The following PCDHA8 variants were observed in gnomAD, a reference collection of about 807,000 sequenced individuals.
PCDHA8 encodes the protein protocadherin alpha 8.
Under a neutral mutation model 61.8 loss-of-function variants are expected in PCDHA8, and 53 were observed. The ratio of observed to expected loss-of-function variants is 0.86; its 90% CI spans 0.69 to 1.08. PCDHA8 has a LOEUF of 1.08. PCDHA8 is among the 50% of genes least tolerant of loss of function. The pLI is 0.00. For missense variants in PCDHA8, 1,293 were observed against 1,245.0 expected (o/e 1.04, Z -0.58); for synonymous variants, 618 against 556.6 (o/e 1.11, Z -1.55).
At chr5:140,883,272 C>T in intron 1 of PCDHA8, 1 of 1,613,880 alleles carries the variant, frequency 6.2e-7, no homozygotes, top group Non-Finnish European at 8.5e-7. Context: ...GGTCATTGTA[C>T]CCTTTTGGTG....
intron 1 of PCDHA8, among the ~76,000 whole-genome samples, chr5:140,898,428 A>G (rs1554187988): frequency 2.6e-5 from 4 of 152,132 alleles, no homozygotes; most frequent in Non-Finnish European, 5.9e-5. Flanking sequence ...TTTTCCCAGC[A>G]CCATTTATTA....
At chr5:140,978,648 T>C (rs2096814311) in intron 1 of PCDHA8, among the ~76,000 whole-genome samples, 1 of 152,264 alleles carries the variant, frequency 6.6e-6, no homozygotes, top group African/African-American at 2.4e-5. Flanking sequence ...CAGACTGTTC[T>C]TCCCGTAGTG....
intron 1 of PCDHA8, chr5:140,882,401 G>A (rs899488409): frequency 4.0e-5 from 65 of 1,614,046 alleles, no homozygotes; most frequent in Non-Finnish European, 5.3e-5. Context: ...CGGCACCTTC[G>A]TGGGCCGCAT....
intron 1 of PCDHA8, among the ~76,000 whole-genome samples, chr5:140,846,921 G>T (rs1780756664): frequency 6.7e-6 from 1 of 149,554 alleles, no homozygotes. Context: ...TTTCCTATTT[G>T]AATTTTTGAA....
At chr5:141,000,944 T>C (rs2097977292) in intron 3 of PCDHA8, among the ~76,000 whole-genome samples, 1 of 152,196 alleles carries the variant, frequency 6.6e-6, no homozygotes, top group Non-Finnish European at 1.5e-5. Flanking sequence ...GGACAAATTA[T>C]CTTGCTGTAA....
chr5:140,870,428 T>C, intron 1 of PCDHA8: 3 of 1,614,126 alleles, frequency 1.9e-6, no homozygotes, highest in Non-Finnish European at 2.5e-6. Flanking sequence ...AGGGTATCCG[T>C]GGAGGTGGCC....
At chr5:140,877,374 A>T in intron 1 of PCDHA8, 1 of 1,613,970 alleles carries the variant, frequency 6.2e-7, no homozygotes, top group African/African-American at 1.3e-5. Flanking sequence ...TCAGCACGAC[A>T]CGCATCCTGG....
intron 1 of PCDHA8, among the ~76,000 whole-genome samples, chr5:140,924,240 G>T (rs1554201838): frequency 2.6e-5 from 4 of 152,186 alleles, no homozygotes; most frequent in Non-Finnish European, 5.9e-5. Flanking sequence ...GGGCTGTTTT[G>T]CATCCTGGTG....
chr5:140,929,112 C>A, intron 1 of PCDHA8: 1 of 1,614,130 alleles, frequency 6.2e-7, no homozygotes, highest in South Asian at 1.1e-5. Flanking sequence ...TGACATCAGC[C>A]ACCATAGATG....
chr5:140,850,928 T>A (rs2150502915), intron 1 of PCDHA8: 1 of 1,520,688 alleles, frequency 6.6e-7, no homozygotes, highest in Non-Finnish European at 8.8e-7. Context: ...ATATAATTTT[T>A]TTTCTTGAAA....
In PCDHA8 at chr5:140,901,962, G is replaced by A. The variant is rs148280805; in HGVS notation, c.2394+58247G>A. The stretch of plus-strand genomic sequence containing the variant: ...ATATTTAGTTTTATTCGTGGCTATC[G>A]TAAATGGGATTACTTTTTAATTTCA... On this transcript the variant is annotated intron_variant, in intron 1 of 3. Coordinates refer to ENST00000531613, the MANE Select transcript of PCDHA8 (RefSeq NM_018911.3). Among the ~76,000 whole-genome samples, 1,226 of 152,004 alleles carry A rather than the reference G, an allele frequency of 8.1e-3. 6 individuals carry two copies. The highest frequency in any genetic ancestry group is 0.019 in the African/African-American group (785 of 41,468).
At chr5:140,932,525 A>G (rs2088383031) in intron 1 of PCDHA8, among the ~76,000 whole-genome samples, 1 of 151,898 alleles carries the variant, frequency 6.6e-6, no homozygotes, top group Non-Finnish European at 1.5e-5. Flanking sequence ...TGTTTGTGGC[A>G]TTCAAGGTGC....
chr5:140,966,109 C>G (rs373588380), intron 1 of PCDHA8: 47 of 156,394 alleles, frequency 3.0e-4, no homozygotes, highest in African/African-American at 1.1e-3. Context: ...GCCTGGGTGC[C>G]CATACTTAGC....
intron 1 of PCDHA8, among the ~76,000 whole-genome samples, chr5:140,874,551 T>C (rs1418780563): frequency 6.6e-6 from 1 of 152,222 alleles, no homozygotes; most frequent in African/African-American, 2.4e-5. Flanking sequence ...CTTTAAGAGA[T>C]CTTTCGCATT....
intron 1 of PCDHA8, chr5:140,852,356 C>A: frequency 4.8e-6 from 1 of 206,680 alleles, no homozygotes; most frequent in Non-Finnish European, 9.4e-6. Flanking sequence ...TGGCTCACTG[C>A]AACGTCTGCC....
In PCDHA8 at chr5:140,877,342, G is replaced by A. The variant is rs1462091033; in HGVS notation, c.2394+33627G>A. On this transcript the variant is annotated intron_variant, in intron 1 of 3. Coordinates refer to ENST00000531613, the MANE Select transcript of PCDHA8 (RefSeq NM_018911.3). ...GGTCGGCGCGCACATCCCGTTCCACGTGGGGCTGTACACTGGCGAGATCAG... is the reference window on the plus strand; with the variant it reads ...GGTCGGCGCGCACATCCCGTTCCACATGGGGCTGTACACTGGCGAGATCAG... 5 of 1,613,904 alleles carry A rather than the reference G, an allele frequency of 3.1e-6. No individual in the cohort carries two copies. The African/African-American group carries it at 6.7e-5, about 22-fold the overall frequency.
intron 1 of PCDHA8, chr5:140,928,158 A>T: frequency 1.2e-6 from 2 of 1,614,066 alleles, no homozygotes; most frequent in Non-Finnish European, 1.7e-6. Flanking sequence ...ATAGTGGCTC[A>T]CCCCCACTTA....
chr5:140,955,889 GT>G (rs1305358742), intron 1 of PCDHA8, among the ~76,000 whole-genome samples: 2 of 151,880 alleles, frequency 1.3e-5, no homozygotes, highest in Non-Finnish European at 2.9e-5. Flanking sequence ...ATTCCTAGGT[GT>G]TTTATTCTCT....
At chr5:140,864,927 G>T (rs2048656466) in intron 1 of PCDHA8, 1 of 152,138 alleles carries the variant, frequency 6.6e-6, no homozygotes, top group Non-Finnish European at 1.5e-5. Flanking sequence ...GCTTGGCAGG[G>T]TGTCTCAGGC....
Sources: gnomAD v4.1 joint callset for allele counts (sites outside exome capture counted in the v4.1 genomes callset) on GRCh38, gnomAD v4.1.1 for gene constraint, MANE v1.5 for transcripts, NCBI Gene and HGNC (gene_info 2026-07-23, HGNC 2026-07-21) for gene names.